Variants in CCDC138 observed in about 807,000 individuals in gnomAD.
CCDC138 encodes coiled-coil domain-containing protein 138.
In CCDC138, 66 loss-of-function variants were observed where a neutral mutation model predicts 82.3. The ratio of observed to expected loss-of-function variants is 0.80; its 90% CI spans 0.66 to 0.98. CCDC138 has a LOEUF of 0.98. Among genes scored for constraint, CCDC138 ranks in the 50% least tolerant of loss-of-function variants. CCDC138 has a pLI of 0.00. For synonymous variants in CCDC138, 297 were observed against 265.4 expected (o/e 1.12, Z -1.16); for missense variants, 816 against 758.9 (o/e 1.08, Z -0.88).
At chr2:108,800,186 T>A (rs1255631755) in intron 6 of CCDC138, among the ~76,000 whole-genome samples, 3 of 152,156 alleles carry the variant, frequency 2.0e-5, no homozygotes, top group African/African-American at 7.2e-5. Context: ...ATGCATAGAT[T>A]TTGGGTTCTA....
intron 12 of CCDC138, among the ~76,000 whole-genome samples, chr2:108,850,953 A>T (rs1338458582): frequency 6.6e-6 from 1 of 152,132 alleles, no homozygotes; most frequent in Non-Finnish European, 1.5e-5. Context: ...ATAGTGTCAG[A>T]TCCCACAAGT....
chr2:108,803,032 G>T (rs1246929430), intron 6 of CCDC138, among the ~76,000 whole-genome samples: 1 of 152,206 alleles, frequency 6.6e-6, no homozygotes, highest in Non-Finnish European at 1.5e-5. Flanking sequence ...TCTTGTGCCT[G>T]TGCCTCTTAA....
chr2:108,857,369 T>G (rs1422566566), intron 13 of CCDC138, among the ~76,000 whole-genome samples: 1 of 152,108 alleles, frequency 6.6e-6, no homozygotes, highest in Non-Finnish European at 1.5e-5. Flanking sequence ...GCGCCCGGAC[T>G]ATTGCATTTT....
chr2:108,787,696 G>A (rs1012260000), intron 1 of CCDC138, among the ~76,000 whole-genome samples: 3 of 151,350 alleles, frequency 2.0e-5, no homozygotes, highest in African/African-American at 7.3e-5. Flanking sequence ...CACAGCCTTT[G>A]TTTTCTGTAA....
chr2:108,837,215 A>G (rs1431987759), intron 10 of CCDC138, among the ~76,000 whole-genome samples: 1 of 152,002 alleles, frequency 6.6e-6, no homozygotes, highest in Admixed American at 6.6e-5. Flanking sequence ...GTTTCCCTCT[A>G]TTAAGTTTGT....
intron 6 of CCDC138, among the ~76,000 whole-genome samples, chr2:108,798,816 T>TACACACACACACACACACAC (rs61201793): frequency 1.5e-5 from 2 of 131,556 alleles, no homozygotes; most frequent in African/African-American, 2.8e-5. Flanking sequence ...TCTCCACACC[T>TACACACACACACACACACAC]ACACACACAC....
chr2:108,815,117 A>C (rs1410714617), intron 9 of CCDC138, among the ~76,000 whole-genome samples: 3 of 152,188 alleles, frequency 2.0e-5, no homozygotes, highest in African/African-American at 7.2e-5. Flanking sequence ...GTCAGAGGAC[A>C]AGATTTCTAG....
intron 5 of CCDC138, among the ~76,000 whole-genome samples, chr2:108,795,843 G>A (rs1193425757): frequency 2.0e-5 from 3 of 151,996 alleles, no homozygotes; most frequent in Admixed American, 1.3e-4. Flanking sequence ...ACTCAGGCTG[G>A]GTATTTTACA....
chr2:108,842,034 G>A (rs1689575694), intron 11 of CCDC138, among the ~76,000 whole-genome samples: 1 of 151,854 alleles, frequency 6.6e-6, no homozygotes, highest in African/African-American at 2.4e-5. Context: ...TTGTTTGTTT[G>A]TTTGTTTGTT....
In CCDC138 at chr2:108,862,275, A is replaced by C. The variant is rs1169627900; in HGVS notation, c.1693+5305A>C. ...ATTTACAAATGGGTTATCTTACCTT[A>C]CTATATGGGCATTGGTGACCAGCTT... On this transcript the variant is annotated intron_variant, in intron 13 of 14. Coordinates refer to ENST00000295124, the MANE Select transcript of CCDC138 (RefSeq NM_144978.3). Among the ~76,000 whole-genome samples the C allele has an allele frequency of 2.0e-5, 3 of 152,040 alleles. No homozygotes were observed. In the East Asian group the frequency reaches 5.8e-4, roughly 29 times the overall value.
At chr2:108,873,654 G>A in intron 14 of CCDC138, 65 bp downstream of exon 14, 1 of 1,170,330 alleles carries the variant, frequency 8.5e-7, no homozygotes, top group Non-Finnish European at 1.2e-6. Context: ...TTTAAACCAG[G>A]GGTTTTAATC....
At chr2:108,876,754 G>A (rs1357642835), downstream of CCDC138, among the ~76,000 whole-genome samples, 3 of 151,854 alleles carry the variant, frequency 2.0e-5, no homozygotes, top group Non-Finnish European at 4.4e-5. Context: ...GATAGAAAAA[G>A]TTTTTTATTA....
At chr2:108,873,739 A>G in intron 14 of CCDC138, 150 bp downstream of exon 14, 1 of 547,498 alleles carries the variant, frequency 1.8e-6, no homozygotes, top group Non-Finnish European at 3.2e-6. Context: ...AACACTAACG[A>G]TAGCTGATGT....
chr2:108,868,664 T>C (rs932310052), intron 13 of CCDC138, among the ~76,000 whole-genome samples: 1 of 152,196 alleles, frequency 6.6e-6, no homozygotes, highest in Non-Finnish European at 1.5e-5. Context: ...GGAAACCTTT[T>C]GCTTTTCTTC....
At chr2:108,794,161 C>T (rs1286122224) in intron 4 of CCDC138, among the ~76,000 whole-genome samples, 1 of 152,106 alleles carries the variant, frequency 6.6e-6, no homozygotes, top group African/African-American at 2.4e-5. Flanking sequence ...AACAGCAAAG[C>T]AAAGCAGCAT....
chr2:108,791,979 A>G (rs1290701752), intron 4 of CCDC138, among the ~76,000 whole-genome samples, 177 bp downstream of exon 4: 1 of 152,208 alleles, frequency 6.6e-6, no homozygotes, highest in East Asian at 1.9e-4. Context: ...GAGCAGAGAA[A>G]ATTAAACTTC....
intron 6 of CCDC138, 110 bp downstream of exon 6, chr2:108,798,696 C>G (rs1379307325): frequency 2.9e-6 from 2 of 686,546 alleles, no homozygotes; most frequent in Non-Finnish European, 4.8e-6. Context: ...CCTTCCTCCT[C>G]CTCTCCACGC....
chr2:108,834,383 C>G (rs910653871), intron 10 of CCDC138, among the ~76,000 whole-genome samples: 1 of 151,804 alleles, frequency 6.6e-6, no homozygotes, highest in African/African-American at 2.4e-5. Flanking sequence ...CTAATTTTTG[C>G]ATTTTTAATA....
At chr2:108,870,023 A>G (rs1190955755) in intron 13 of CCDC138, among the ~76,000 whole-genome samples, 4 of 152,230 alleles carry the variant, frequency 2.6e-5, no homozygotes, top group African/African-American at 7.2e-5. Flanking sequence ...AATATGCTCA[A>G]TGAGCTAATG....
Sources: gnomAD v4.1 joint callset for allele counts (sites outside exome capture counted in the v4.1 genomes callset) on GRCh38, gnomAD v4.1.1 for gene constraint, MANE v1.5 for transcripts, NCBI Gene and HGNC (gene_info 2026-07-23, HGNC 2026-07-21) for gene names.